The following DPH6 variants were observed in gnomAD, a reference collection of about 807,000 sequenced individuals.
DPH6 encodes the protein diphthamine biosynthesis 6.
DPH6 carries 33 observed loss-of-function variants against 38.2 expected under a neutral mutation model. The observed-to-expected ratio is 0.86, with a 90% confidence interval of 0.65 to 1.15. The LOEUF is 1.15. DPH6 is among the 50% of genes most tolerant of loss of function. DPH6 has a pLI of 0.00. For synonymous variants in DPH6, 108 were observed against 103.0 expected (o/e 1.05, Z -0.30); for missense variants, 325 against 320.0 (o/e 1.02, Z -0.12).
chr15:35,227,594 TG>T (rs2051491203), intron 3 of DPH6, among the ~76,000 whole-genome samples: 1 of 152,130 alleles, frequency 6.6e-6, no homozygotes, highest in South Asian at 2.1e-4. Flanking sequence ...TTTGTTTTAT[TG>T]ATCTTTTGTA....
At chr15:35,317,261 AAAAG>A (rs1337816889) in intron 3 of DPH6, among the ~76,000 whole-genome samples, 4 of 140,346 alleles carry the variant, frequency 2.9e-5, no homozygotes, top group South Asian at 2.6e-4. Context: ...GACTCTGAAA[AAAAG>A]AAAGAAAGAA....
At chr15:35,455,837 T>G (rs988952712) in intron 3 of DPH6, among the ~76,000 whole-genome samples, 1 of 152,182 alleles carries the variant, frequency 6.6e-6, no homozygotes, top group African/African-American at 2.4e-5. Context: ...CGCTTCATCA[T>G]GAATACTCTG....
intron 3 of DPH6, among the ~76,000 whole-genome samples, chr15:35,224,195 C>T (rs2051463466): frequency 6.6e-6 from 1 of 150,596 alleles, no homozygotes; most frequent in Admixed American, 6.6e-5. Flanking sequence ...CAACCTCCAC[C>T]TCCTGGGTTA....
downstream of DPH6, among the ~76,000 whole-genome samples, chr15:35,369,912 C>G (rs1488924544): frequency 6.6e-6 from 1 of 151,594 alleles, no homozygotes; most frequent in East Asian, 1.9e-4. Flanking sequence ...CCAAAATGGT[C>G]AATACAATAC....
At chr15:35,176,426 C>G in the DPH6 span, among the ~76,000 whole-genome samples, 1 of 151,920 alleles carries the variant, frequency 6.6e-6, no homozygotes, top group Non-Finnish European at 1.5e-5. Flanking sequence ...ATCTTCATTC[C>G]CACCTTGTCA....
intron 3 of DPH6, among the ~76,000 whole-genome samples, chr15:35,498,278 A>T (rs779483157): frequency 2.6e-5 from 4 of 152,142 alleles, no homozygotes; most frequent in Non-Finnish European, 5.9e-5. Context: ...ACAACAGTAT[A>T]ATATTTCAGG....
At position 35,439,718 on chromosome 15, in the gene DPH6, AGAG is replaced by A. The variant is rs755933475; in HGVS notation, c.505+10964_505+10966del. ...CCCATGTTCTTGGGACCTCAAGAAG[AGAG>A]GAGTTCACCCAACTCATAGTCATTA... On this transcript the variant is annotated intron_variant, in intron 5 of 8. Transcript: ENST00000256538. 6.2e-4 allele frequency among the ~76,000 whole-genome samples: 95 copies of A among 152,150 alleles called. 1 individual carries two copies. Among genetic ancestry groups the A allele is most frequent in the Admixed American group, 2.0e-3 (31 of 15,274 alleles).
chr15:35,314,594 C>T (rs1349496057), intron 3 of DPH6, among the ~76,000 whole-genome samples: 2 of 152,044 alleles, frequency 1.3e-5, no homozygotes, highest in African/African-American at 2.4e-5. Context: ...AGTGGCCAGC[C>T]GTCGGAAGTT....
chr15:35,307,533 A>G lies in DPH6; in HGVS notation n.200+65988T>C, dbSNP rs1277003891. On this transcript the variant is annotated intron_variant and non_coding_transcript_variant, in intron 3 of 3. Transcript: ENST00000560386. ...GAGGAAAAACAACAGTATAAAGGAT[A>G]TCGTTGGGTTAACTAACAAAATTGA... Among the ~76,000 whole-genome samples the G allele has an allele frequency of 2.6e-5, 4 of 152,202 alleles. No homozygotes were observed. In the East Asian group the frequency reaches 7.7e-4, roughly 29 times the overall value.
intron 3 of DPH6, among the ~76,000 whole-genome samples, chr15:35,295,022 C>T (rs2052005900): frequency 6.6e-6 from 1 of 152,154 alleles, no homozygotes. Flanking sequence ...AGTTGAAGGG[C>T]AGTTGCTGGA....
intron 3 of DPH6, among the ~76,000 whole-genome samples, chr15:35,245,675 G>C (rs921250992): frequency 2.6e-5 from 4 of 152,178 alleles, no homozygotes; most frequent in Non-Finnish European, 2.9e-5. Context: ...TCCCTCTGAC[G>C]TATCACTTCA....
chr15:35,290,105 C>T (rs2051970294), intron 3 of DPH6, among the ~76,000 whole-genome samples: 3 of 152,198 alleles, frequency 2.0e-5, no homozygotes, highest in Non-Finnish European at 4.4e-5. Context: ...CATTTTACCA[C>T]TTACTAAAAC....
At chr15:35,414,983 C>A (rs1287201219) in intron 5 of DPH6, among the ~76,000 whole-genome samples, 2 of 151,864 alleles carry the variant, frequency 1.3e-5, no homozygotes, top group African/African-American at 4.8e-5. Context: ...TGTTTCCCAA[C>A]AGGACATGAT....
At chr15:35,411,298 T>C (rs2053363640) in intron 5 of DPH6, among the ~76,000 whole-genome samples, 2 of 151,762 alleles carry the variant, frequency 1.3e-5, no homozygotes, top group Non-Finnish European at 3.0e-5. Context: ...TATCCCTGTT[T>C]TATTTAAACT....
intron 3 of DPH6, among the ~76,000 whole-genome samples, chr15:35,529,954 C>T (rs993943795): frequency 1.6e-4 from 24 of 151,144 alleles, no homozygotes; most frequent in Non-Finnish European, 2.8e-4. Flanking sequence ...TTTTTTTTGA[C>T]GATTTAATGA....
At chr15:35,523,001 A>AATTTTCAAG (rs1390356420) in intron 3 of DPH6, among the ~76,000 whole-genome samples, 6 of 152,052 alleles carry the variant, frequency 3.9e-5, no homozygotes, top group Non-Finnish European at 8.8e-5. Flanking sequence ...ATGATTTCTA[A>AATTTTCAAG]ATTTTCAAGT....
At chr15:35,295,782 G>T (rs1739756699) in intron 3 of DPH6, among the ~76,000 whole-genome samples, 1 of 151,912 alleles carries the variant, frequency 6.6e-6, no homozygotes, top group Admixed American at 6.6e-5. Flanking sequence ...AAGTAACATA[G>T]AATAGATTTT....
chr15:35,268,747 G>GA lies in DPH6; in HGVS notation n.201-48166dup, dbSNP rs60593996. 5.4e-3 allele frequency among the ~76,000 whole-genome samples: 749 copies of GA among 139,852 alleles called. 5 individuals carry two copies. The highest frequency in any genetic ancestry group is 7.3e-3 in the Admixed American group (102 of 13,978). 91.7% of individuals were successfully genotyped at this position (139,852 alleles called of 152,430 possible). ...CAATTAATTGAAGGTATAAAAAATG[G>GA]AAAAAAAAAAAAGGTATAAAAAGAA... is the stretch of plus-strand genomic sequence containing the variant. On this transcript the variant is annotated intron_variant and non_coding_transcript_variant, in intron 3 of 3. Transcript: ENST00000560386.
chr15:35,483,436 C>G (rs1244382840), intron 3 of DPH6, among the ~76,000 whole-genome samples: 2 of 151,182 alleles, frequency 1.3e-5, no homozygotes, highest in African/African-American at 4.9e-5. Flanking sequence ...TGCATTCCAG[C>G]CTGGGCAACA....
Sources: allele counts gnomAD v4.1 joint callset (sites outside exome capture counted in the v4.1 genomes callset), GRCh38; gene constraint gnomAD v4.1.1; transcripts MANE v1.5; gene names NCBI Gene and HGNC (gene_info 2026-07-23, HGNC 2026-07-21).